Variants in IGF2BP1 observed in about 807,000 individuals in gnomAD.
IGF2BP1 encodes the protein insulin like growth factor 2 mRNA binding protein 1.
IGF2BP1 carries 11 observed loss-of-function variants against 74.9 expected under a neutral mutation model. The observed-to-expected ratio is 0.15, with a 90% CI of 0.09 to 0.24. The LOEUF (loss-of-function observed/expected upper bound fraction) is 0.24, where lower values mean the gene tolerates loss of function less well. Among genes scored for constraint, IGF2BP1 ranks in the 10% least tolerant of loss-of-function variants. IGF2BP1 has a pLI of 1.00. For missense variants in IGF2BP1, 440 were observed against 757.4 expected (o/e 0.58, Z 4.92); for synonymous variants, 287 against 281.8 (o/e 1.02, Z -0.18).
intron 2 of IGF2BP1, chr17:49,017,811 T>C (rs1175067999): frequency 6.6e-6 from 1 of 152,016 alleles, no homozygotes; most frequent in Non-Finnish European, 1.5e-5. Flanking sequence ...GGTTTCACCA[T>C]GTTGGTCAGG....
chr17:49,026,018 G>A (rs2041849586), intron 3 of IGF2BP1, among the ~76,000 whole-genome samples: 1 of 151,892 alleles, frequency 6.6e-6, no homozygotes, highest in African/African-American at 2.4e-5. Flanking sequence ...CCCATGCTCA[G>A]CTAATTTTGT....
At position 49,055,535 on chromosome 17, in the gene IGF2BP1, A is replaced by G. The variant is rs1672679334; in HGVS notation, c.*6091A>G. ...TCCCGGCTGTGGGGGCTGGGGAGCC[A>G]CTTGTAACATTTCTGTGCAGATTTT... On this transcript the variant is annotated 3_prime_UTR_variant, in exon 15 of 15. Transcript: ENST00000290341. 2.5e-6 allele frequency: 1 copy of G among 394,828 alleles called. No individual in the cohort carries two copies. Among genetic ancestry groups the G allele is most frequent in the Admixed American group, 4.4e-5 (1 of 22,628 alleles). 24.5% of individuals were successfully genotyped at this position (394,828 alleles called of 1,614,324 possible). A position where few individuals can be genotyped will look rare whatever the true frequency, so the allele number is the denominator to read the frequency against.
At chr17:49,037,456 AG>A (rs772270485) in intron 5 of IGF2BP1, 38 of 312,094 alleles carry the variant, frequency 1.2e-4, no homozygotes, top group Non-Finnish European at 2.1e-4. Flanking sequence ...AATGATATTC[AG>A]GAACTCTAAT....
chr17:49,045,912 A>T lies in IGF2BP1; in HGVS notation c.1418A>T (p.Lys473Ile), dbSNP rs755871368. ...QFKAQGRIYGKLKEENFFGPK... is the reference protein window; with the variant it reads ...QFKAQGRIYGILKEENFFGPK... ...CAGGCTCAGGGAAGAATCTATGGCAAACTCAAGGAGGAGAACTTCTTTGGT... is the reference window on the plus strand; with the variant it reads ...CAGGCTCAGGGAAGAATCTATGGCATACTCAAGGAGGAGAACTTCTTTGGT... Residue 473 changes from lysine to isoleucine, a missense_variant, in exon 13 of 15, where the codon AAA (lysine) becomes ATA (isoleucine). By Grantham distance (102) the Lys-to-Ile change is moderately radical (BLOSUM62 -3). Transcript: ENST00000290341. The T allele has an allele frequency of 6.2e-7, 1 of 1,614,098 alleles. No individual in the cohort carries two copies. Among genetic ancestry groups the T allele is most frequent in the Non-Finnish European group, 8.5e-7 (1 of 1,179,970 alleles).
rs577340151 is a variant in IGF2BP1 at position 49,048,634 on chromosome 17, C to G, written c.1642-718C>G. Among the ~76,000 whole-genome samples, 40 of 152,214 alleles carry G rather than the reference C, an allele frequency of 2.6e-4. No homozygotes were observed. The South Asian group carries it at 8.3e-3, about 32-fold the overall frequency. On this transcript the variant is annotated intron_variant, in intron 14 of 14. Transcript: ENST00000290341. ...TGATGATGTCTTCTAAGTTACGACC[C>G]TCTACAACAGGAGTCCCCAAACCCC...
At chr17:49,009,709 TA>T (rs527469546) in intron 2 of IGF2BP1, among the ~76,000 whole-genome samples, 2,805 of 147,656 alleles carry the variant, frequency 0.019, 32 homozygotes, top group East Asian at 0.029. Context: ...AACTCCATCT[TA>T]AAAAAAAAAA....
Position 49,038,461 on chromosome 17 carries a change from C to A in IGF2BP1, c.683+12C>A. On this transcript the variant is annotated intron_variant, in intron 6 of 14. Coordinates refer to ENST00000290341, the MANE Select transcript of IGF2BP1 (RefSeq NM_006546.4). Reference sequence around the variant, plus strand: ...CAGACCCAGTCCAAGTGAGTCTTGGCTCTTGGGGAATGGAGGTTGGGTGCT... The same window carrying A: ...CAGACCCAGTCCAAGTGAGTCTTGGATCTTGGGGAATGGAGGTTGGGTGCT... The A allele has an allele frequency of 6.8e-7, 1 of 1,471,216 alleles. No individual in the cohort carries two copies. The allele number at this position is 1,471,216 out of a possible 1,614,324, so 91.1% of individuals were successfully genotyped here.
intron 2 of IGF2BP1, among the ~76,000 whole-genome samples, chr17:49,014,222 G>T (rs1463053698): frequency 4.3e-5 from 5 of 117,248 alleles, no homozygotes; most frequent in African/African-American, 1.4e-4. Flanking sequence ...GTCCCCCTCA[G>T]TCTCCGCCTC....
In IGF2BP1 at chr17:49,032,090, G is replaced by A. The variant is rs1056211152; in HGVS notation, c.401+117G>A. 7.0e-6 allele frequency: 6 copies of A among 858,310 alleles called. No homozygotes were observed. In the African/African-American group the frequency reaches 1.0e-4, roughly 15 times the overall value. The allele number at this position is 858,310 out of a possible 1,614,324, so 53.2% of individuals were successfully genotyped here. On this transcript the variant is annotated intron_variant, in intron 5 of 14. Transcript: ENST00000290341. ...CTAGGCAGGCTGGGTCCCCATCCAG[G>A]GTTCTGATATTAGCCCAAGCCAAAC...
chr17:49,048,808 C>T (rs1191941357), intron 14 of IGF2BP1, among the ~76,000 whole-genome samples: 1 of 152,198 alleles, frequency 6.6e-6, no homozygotes, highest in Non-Finnish European at 1.5e-5. Context: ...GAGGGATGCG[C>T]AGTGCATGTG....
intron 2 of IGF2BP1, among the ~76,000 whole-genome samples, chr17:49,019,905 TA>T (rs1188263737): frequency 0.079 from 260 of 3,284 alleles, 3 homozygotes; most frequent in African/African-American, 0.3. Flanking sequence ...CTGGCTAATT[TA>T]TATATATATA....
chr17:49,001,175 T>TC (rs1466030250), intron 2 of IGF2BP1, among the ~76,000 whole-genome samples: 1 of 152,172 alleles, frequency 6.6e-6, no homozygotes, highest in Non-Finnish European at 1.5e-5. Flanking sequence ...ATTTTGTGTC[T>TC]TTGAGGAAGT....
At chr17:49,031,795 G>A (rs2041924175) in intron 4 of IGF2BP1, 115 bp from the exon 5 acceptor site, 1 of 937,072 alleles carries the variant, frequency 1.1e-6, no homozygotes, top group South Asian at 1.4e-5. Context: ...GATCTACCGT[G>A]TCTGGCCTGC....
intron 2 of IGF2BP1, among the ~76,000 whole-genome samples, chr17:49,000,394 G>A (rs1488565116): frequency 6.6e-6 from 1 of 152,188 alleles, no homozygotes; most frequent in Non-Finnish European, 1.5e-5. Flanking sequence ...TGGAACTATT[G>A]TGTCTATAGA....
At chr17:49,023,299 C>G (rs1199414102) in intron 2 of IGF2BP1, among the ~76,000 whole-genome samples, 1 of 152,204 alleles carries the variant, frequency 6.6e-6, no homozygotes, top group African/African-American at 2.4e-5. Context: ...AAGAAGACAG[C>G]CAAAGACAGA....
intron 9 of IGF2BP1, among the ~76,000 whole-genome samples, chr17:49,043,124 G>T (rs187021584): frequency 6.6e-6 from 1 of 152,088 alleles, no homozygotes; most frequent in Non-Finnish European, 1.5e-5. Context: ...TGGGTCTATC[G>T]TCTGTCTCCA....
chr17:49,026,602 T>G, intron 4 of IGF2BP1, 85 bp downstream of exon 4: 1 of 1,220,294 alleles, frequency 8.2e-7, no homozygotes, highest in Non-Finnish European at 1.2e-6. Context: ...TTTGTTTCTT[T>G]CTTTTTCTCC....
At chr17:49,037,530 C>G in intron 5 of IGF2BP1, 1 of 193,274 alleles carries the variant, frequency 5.2e-6, no homozygotes, top group South Asian at 1.6e-4. Flanking sequence ...TGTGTGTTTG[C>G]TTTATCCTAA....
At chr17:49,026,633 C>G in intron 4 of IGF2BP1, 116 bp downstream of exon 4, 1 of 441,764 alleles carries the variant, frequency 2.3e-6, no homozygotes, top group Non-Finnish European at 3.8e-6. Context: ...TCCTTCCTTC[C>G]TGCCTTCCTT....
Sources: allele counts gnomAD v4.1 joint callset (sites outside exome capture counted in the v4.1 genomes callset), GRCh38; gene constraint gnomAD v4.1.1; transcripts MANE v1.5; gene names NCBI Gene and HGNC (gene_info 2026-07-23, HGNC 2026-07-21).